CYGB: variants seen among roughly 807,000 people sequenced by gnomAD.
CYGB encodes cytoglobin.
CYGB carries 13 observed loss-of-function variants against 20.7 expected under a neutral mutation model. That is an observed-to-expected ratio of 0.63 (90% CI 0.41 to 1.00). The LOEUF is 1.00. Among genes scored for constraint, CYGB ranks in the 50% least tolerant of loss-of-function variants. The probability of loss-of-function intolerance (pLI) is 0.00; values close to 1 mark genes in which losing one functional copy is unlikely to be tolerated. For missense variants in CYGB, 218 were observed against 257.2 expected (o/e 0.85, Z 1.04); for synonymous variants, 93 against 107.4 (o/e 0.87, Z 0.83).
intron 1 of CYGB, among the ~76,000 whole-genome samples, chr17:76,548,065 GACAT>G (rs1355078302): frequency 6.6e-5 from 10 of 150,708 alleles, no homozygotes; most frequent in Admixed American, 4.0e-4. Flanking sequence ...CATACACACA[GACAT>G]ACATGTACAC....
chr17:76,544,090 C>A, intron 1 of CYGB: 1 of 454,618 alleles, frequency 2.2e-6, no homozygotes, highest in Non-Finnish European at 4.4e-6. Context: ...CCTGCATGAT[C>A]CTGAGCAGAG....
At chr17:76,540,664 C>CGCCTGTGCGT (rs1370267313), upstream of CYGB, 50 of 1,314,472 alleles carry the variant, frequency 3.8e-5, no homozygotes, top group Non-Finnish European at 4.8e-5. The surrounding 1 kb of genome is among the most constrained non-coding windows in gnomAD (Gnocchi z 5.0). Context: ...TGCCTGTGCG[C>CGCCTGTGCGT]GCCTGTGCGT....
At chr17:76,540,508 G>A (rs1462852138), upstream of CYGB, 11 of 1,613,638 alleles carry the variant, frequency 6.8e-6, no homozygotes, top group East Asian at 1.8e-4. This position sits in a 1 kb window ranked among gnomAD's most constrained non-coding sequence, Gnocchi z 5.0. Flanking sequence ...CCCACAGAGA[G>A]CCCAGCGACG....
Position 76,528,956 on chromosome 17 carries a change from A to T in CYGB, c.540-345T>A, listed in dbSNP as rs1015988326. On this transcript the variant is annotated intron_variant, in intron 3 of 3. Transcript: ENST00000293230. This position sits in a 1 kb window ranked among gnomAD's most constrained non-coding sequence, Gnocchi z 5.8. ...TTCCATTAATTCTGAAACGTGGCGC[A>T]TTCTGTCCGGCCTGTCTCGTCCCTC... The T allele has an allele frequency of 2.8e-6, 3 of 1,064,648 alleles. No individual in the cohort carries two copies. The highest frequency in any genetic ancestry group is 9.1e-5 in the South Asian group (2 of 22,030). 66.0% of individuals were successfully genotyped at this position (1,064,648 alleles called of 1,614,324 possible). A position where few individuals can be genotyped will look rare whatever the true frequency, so the allele number is the denominator to read the frequency against.
At position 76,528,605 on chromosome 17, in the gene CYGB, C is replaced by T. The variant is rs201985001; in HGVS notation, c.546G>A (p.Pro182=). Residue 182 remains proline, a synonymous_variant, in exon 4 of 4, where the codon CCG becomes CCA. Transcript: ENST00000293230. This position sits in a 1 kb window ranked among gnomAD's most constrained non-coding sequence, Gnocchi z 5.8. ...ACGGCCCCGAAGAGGGCAGTGTGGC[C>T]GGTGGGCTGTGGACGAGATAGGAAG... ...VQQVPNATTP[P]ATLPSSGP 1.0e-5 allele frequency: 13 copies of T among 1,279,938 alleles called. No homozygotes were observed. Among genetic ancestry groups the T allele is most frequent in the South Asian group, 6.8e-5 (2 of 29,620 alleles). The allele number at this position is 1,279,938 out of a possible 1,614,324, so 79.3% of individuals were successfully genotyped here. A position where few individuals can be genotyped will look rare whatever the true frequency, so the allele number is the denominator to read the frequency against.
chr17:76,538,327 G>C (rs1407366270), upstream of CYGB: 4 of 323,884 alleles, frequency 1.2e-5, no homozygotes, highest in African/African-American at 2.3e-5. Context: ...TGGGGGGTTA[G>C]CACGGGGGTC....
chr17:76,530,038 C>G lies in CYGB; in HGVS notation c.539+941G>C. The G allele has an allele frequency of 1.0e-6, 1 of 985,368 alleles. No homozygotes were observed. The highest frequency in any genetic ancestry group is 4.7e-5 in the South Asian group (1 of 21,290). The allele number at this position is 985,368 out of a possible 1,614,324, so 61.0% of individuals were successfully genotyped here. ...GAGCTGTGCCTGTGAACAGAAGGGC[C>G]GGCAGTCTTGGGGGCCCGTGCAGAG... is the stretch of plus-strand genomic sequence containing the variant. On this transcript the variant is annotated intron_variant, in intron 3 of 3. Transcript: ENST00000293230. This position sits in a 1 kb window ranked among gnomAD's most constrained non-coding sequence, Gnocchi z 6.1.
At position 76,531,385 on chromosome 17, in the gene CYGB, G is replaced by A. The variant is rs1049066189; in HGVS notation, c.375+75C>T. 6.6e-5 allele frequency: 100 copies of A among 1,525,526 alleles called. No homozygotes were observed. The highest frequency in any genetic ancestry group is 8.3e-5 in the Non-Finnish European group (93 of 1,117,436). 94.5% of individuals were successfully genotyped at this position (1,525,526 alleles called of 1,614,324 possible). ...ATCACCTCTGTTGCTCCAGAGAGCC[G>A]TCGCAGAGCCTGCGAGCTGCAGATG... On this transcript the variant is annotated intron_variant, in intron 2 of 3. Coordinates refer to ENST00000293230, the MANE Select transcript of CYGB (RefSeq NM_134268.5). This position sits in a 1 kb window ranked among gnomAD's most constrained non-coding sequence, Gnocchi z 7.4.
At chr17:76,534,489 T>G (rs1170394512) in intron 1 of CYGB, among the ~76,000 whole-genome samples, 1 of 152,236 alleles carries the variant, frequency 6.6e-6, no homozygotes, top group Non-Finnish European at 1.5e-5. Context: ...TGTTATTGTA[T>G]TTAATTGCCA....
In CYGB at chr17:76,528,243, T is replaced by C. The variant is rs1598199247; in HGVS notation, c.*335A>G. On this transcript the variant is annotated 3_prime_UTR_variant, in exon 4 of 4. Coordinates refer to ENST00000293230, the MANE Select transcript of CYGB (RefSeq NM_134268.5). The surrounding 1 kb of genome is among the most constrained non-coding windows in gnomAD (Gnocchi z 5.8). ...GAGACCTGCATGCTGGCCGGGCTGA[T>C]AGAAACGGGGCTGGTTTATTCCCTA... 1 of 398,994 alleles carries C rather than the reference T, an allele frequency of 2.5e-6. No individual in the cohort carries two copies. The highest frequency in any genetic ancestry group is 3.6e-5 in the East Asian group (1 of 28,084). 24.7% of individuals were successfully genotyped at this position (398,994 alleles called of 1,614,324 possible). A position where few individuals can be genotyped will look rare whatever the true frequency, so the allele number is the denominator to read the frequency against.
rs2075045173 is a variant in CYGB at position 76,545,431 on chromosome 17, G to A, written c.-53+5431C>T. The A allele has an allele frequency of 8.8e-6, 4 of 455,086 alleles. No individual in the cohort carries two copies. The Admixed American group carries it at 9.4e-5, about 11-fold the overall frequency. The allele number at this position is 455,086 out of a possible 1,614,324, so 28.2% of individuals were successfully genotyped here. The stretch of plus-strand genomic sequence containing the variant: ...TTTCCTTGCAAAGAGCCGCTGCTTG[G>A]GAATGGGAGCAGGAGTGCTCAGGGG... On this transcript the variant is annotated intron_variant, in intron 1 of 3. Transcript: ENST00000589145.
chr17:76,527,446 A>G lies in CYGB; in HGVS notation c.*1132T>C. The G allele has an allele frequency of 2.7e-6, 1 of 372,622 alleles. No individual in the cohort carries two copies. Among genetic ancestry groups the G allele is most frequent in the Non-Finnish European group, 5.3e-6 (1 of 188,642 alleles). 23.1% of individuals were successfully genotyped at this position (372,622 alleles called of 1,614,324 possible). ...AGGAGGACGGGCGGTTGCACAGATG[A>G]GGATGAGGATGAAGATGAGGATGAG... On this transcript the variant is annotated 3_prime_UTR_variant, in exon 4 of 4. Transcript: ENST00000293230.
chr17:76,534,784 T>C (rs964484431), intron 1 of CYGB, among the ~76,000 whole-genome samples: 6 of 152,176 alleles, frequency 3.9e-5, no homozygotes, highest in African/African-American at 1.4e-4. Context: ...GTCTCCTGCC[T>C]CAACACCCAC....
chr17:76,531,477 C>A lies in CYGB; in HGVS notation c.358G>T (p.Glu120Ter). The A allele has an allele frequency of 6.2e-7, 1 of 1,610,892 alleles. No individual in the cohort carries two copies. The highest frequency in any genetic ancestry group is 8.5e-7 in the Non-Finnish European group (1 of 1,177,292). Residue 120 changes from glutamate to a stop codon, truncating the protein, a stop_gained, in exon 2 of 4, where the codon GAA (glutamate) becomes TAA (stop). Coordinates refer to ENST00000293230, the MANE Select transcript of CYGB (RefSeq NM_134268.5). LOFTEE classifies it high-confidence loss of function. This position sits in a 1 kb window ranked among gnomAD's most constrained non-coding sequence, Gnocchi z 7.4. ...GCGCATACCTTGAAGTACACCGGTT[C>A]CACCTTGTGCTTGAGGGCGTGGGCT... ...GKAHALKHKV[E>*]PVYFKILSGV...
At position 76,528,192 on chromosome 17, in the gene CYGB, T is replaced by C. The variant is rs901510093; in HGVS notation, c.*386A>G. Reference sequence around the variant, plus strand: ...TATATCTGTATATATGGTAGATGTGTGCGTGATACTCTAGATGGTGATGTG... The same window carrying C: ...TATATCTGTATATATGGTAGATGTGCGCGTGATACTCTAGATGGTGATGTG... On this transcript the variant is annotated 3_prime_UTR_variant, in exon 4 of 4. Transcript: ENST00000293230. This position sits in a 1 kb window ranked among gnomAD's most constrained non-coding sequence, Gnocchi z 5.8. The C allele has an allele frequency of 7.5e-6, 3 of 397,710 alleles. No homozygotes were observed. Among genetic ancestry groups the C allele is most frequent in the Non-Finnish European group, 1.3e-5 (3 of 226,298 alleles). The allele number at this position is 397,710 out of a possible 1,614,324, so 24.6% of individuals were successfully genotyped here. A position where few individuals can be genotyped will look rare whatever the true frequency, so the allele number is the denominator to read the frequency against.
Position 76,533,856 on chromosome 17 carries a change from C to A in CYGB, c.144-2165G>T, listed in dbSNP as rs2074879354. On this transcript the variant is annotated intron_variant, in intron 1 of 3. Transcript: ENST00000293230. This position sits in a 1 kb window ranked among gnomAD's most constrained non-coding sequence, Gnocchi z 4.5. Reference sequence around the variant, plus strand: ...ACCAGCCTGGGCAACATAGTGAGATCCTGTCTCCAGAAAAAAAGAAAAAAA... The same window carrying A: ...ACCAGCCTGGGCAACATAGTGAGATACTGTCTCCAGAAAAAAAGAAAAAAA... 6.6e-6 allele frequency among the ~76,000 whole-genome samples: 1 copy of A among 152,108 alleles called. No homozygotes were observed. Among genetic ancestry groups the A allele is most frequent in the Non-Finnish European group, 1.5e-5 (1 of 68,020 alleles).
In CYGB at chr17:76,528,540, T is replaced by G; in HGVS notation, c.*38A>C. 1 of 1,280,816 alleles carries G rather than the reference T, an allele frequency of 7.8e-7. No individual in the cohort carries two copies. 79.3% of individuals were successfully genotyped at this position (1,280,816 alleles called of 1,614,324 possible). On this transcript the variant is annotated 3_prime_UTR_variant, in exon 4 of 4. Coordinates refer to ENST00000293230, the MANE Select transcript of CYGB (RefSeq NM_134268.5). This position sits in a 1 kb window ranked among gnomAD's most constrained non-coding sequence, Gnocchi z 5.8. ...GGGTCTTCAGAACTCGGCCTTCTGC[T>G]CGAGGTGCTGCCAGGGAGGGGGGTG... is the stretch of plus-strand genomic sequence containing the variant.
chr17:76,528,488 T>G lies in CYGB; in HGVS notation c.*90A>C. ...GAGTCAGGGATTCCTCCAGCTTCCT[T>G]GGCACCCAGAAATGGAGCGTCAAGG... On this transcript the variant is annotated 3_prime_UTR_variant, in exon 4 of 4. Coordinates refer to ENST00000293230, the MANE Select transcript of CYGB (RefSeq NM_134268.5). This position sits in a 1 kb window ranked among gnomAD's most constrained non-coding sequence, Gnocchi z 5.8. 1 of 1,152,638 alleles carries G rather than the reference T, an allele frequency of 8.7e-7. No homozygotes were observed. 71.4% of individuals were successfully genotyped at this position (1,152,638 alleles called of 1,614,324 possible). A position where few individuals can be genotyped will look rare whatever the true frequency, so the allele number is the denominator to read the frequency against.
Position 76,528,625 on chromosome 17 carries a change from A to G in CYGB, c.540-14T>C. ...GTGGCCGGTGGGCTGTGGACGAGATAGGAAGGGAAGGACAAACGTTACCAG... is the reference window on the plus strand; with the variant it reads ...GTGGCCGGTGGGCTGTGGACGAGATGGGAAGGGAAGGACAAACGTTACCAG... On this transcript the variant is annotated splice_polypyrimidine_tract_variant and intron_variant, in intron 3 of 3. Transcript: ENST00000293230. The surrounding 1 kb of genome is among the most constrained non-coding windows in gnomAD (Gnocchi z 5.8). 1 of 1,273,226 alleles carries G rather than the reference A, an allele frequency of 7.9e-7. No homozygotes were observed. Among genetic ancestry groups the G allele is most frequent in the Non-Finnish European group, 1.0e-6 (1 of 1,001,024 alleles). 78.9% of individuals were successfully genotyped at this position (1,273,226 alleles called of 1,614,324 possible). A position where few individuals can be genotyped will look rare whatever the true frequency, so the allele number is the denominator to read the frequency against.
Sources: allele counts gnomAD v4.1 joint callset (sites outside exome capture counted in the v4.1 genomes callset), GRCh38; gene constraint gnomAD v4.1.1; non-coding constraint Gnocchi (gnomAD v3.1); transcripts MANE v1.5; gene names NCBI Gene and HGNC (gene_info 2026-07-23, HGNC 2026-07-21).